ST18: variants seen among roughly 807,000 people sequenced by gnomAD.
The protein encoded by ST18 is suppression of tumorigenicity 18 protein.
Under a neutral mutation model 110.0 loss-of-function variants are expected in ST18, and 50 were observed. The ratio of observed to expected loss-of-function variants is 0.45; its 90% confidence interval spans 0.36 to 0.58. The LOEUF (loss-of-function observed/expected upper bound fraction) is 0.58. Ranked by LOEUF, ST18 falls within the 20% of genes least tolerant of loss-of-function variation. ST18 has a pLI of 0.00. For synonymous variants in ST18, 461 were observed against 452.4 expected (o/e 1.02, Z -0.24); for missense variants, 1,306 against 1,280.1 (o/e 1.02, Z -0.31).
chr8:52,373,506 G>T (rs542292145), intron 2 of ST18, among the ~76,000 whole-genome samples: 1 of 151,548 alleles, frequency 6.6e-6, no homozygotes, highest in Admixed American at 6.6e-5. Flanking sequence ...CTTGTTATTC[G>T]CCCTTTCTCA....
Position 52,295,654 on chromosome 8 carries a change from G to C in ST18, c.-464-65577C>G, listed in dbSNP as rs573159596. On this transcript the variant is annotated intron_variant, in intron 2 of 25. Coordinates refer to ENST00000689386, the MANE Select transcript of ST18 (RefSeq NM_001352837.2). ...CTTTAGTAAGGTCAAACACTGAAAA[G>C]TAAAGGGGTTTCGGGACAATTTTGA... Among the ~76,000 whole-genome samples the C allele has an allele frequency of 4.7e-5, 7 of 149,238 alleles. No homozygotes were observed. The South Asian group carries it at 1.5e-3, about 32-fold the overall frequency.
chr8:52,205,388 T>C (rs998502842), intron 8 of ST18, among the ~76,000 whole-genome samples: 3 of 151,958 alleles, frequency 2.0e-5, no homozygotes, highest in African/African-American at 4.8e-5. Flanking sequence ...AGGCCCTTGA[T>C]AGGTCATCAC....
At chr8:52,302,669 T>C (rs1260353019) in intron 2 of ST18, among the ~76,000 whole-genome samples, 1 of 152,184 alleles carries the variant, frequency 6.6e-6, no homozygotes, top group East Asian at 1.9e-4. Context: ...TGGGAATATA[T>C]CAAAAGGACA....
chr8:52,242,099 C>T (rs2093461187), intron 2 of ST18, among the ~76,000 whole-genome samples: 1 of 152,098 alleles, frequency 6.6e-6, no homozygotes, highest in African/African-American at 2.4e-5. Context: ...TTCAACATGG[C>T]ATTTTCAAAA....
At chr8:52,190,159 A>C (rs537204555) in intron 8 of ST18, among the ~76,000 whole-genome samples, 1 of 152,328 alleles carries the variant, frequency 6.6e-6, no homozygotes, top group African/African-American at 2.4e-5. Context: ...CATGCACAAA[A>C]TTTTAAAAAA....
At chr8:52,387,961 C>A (rs1837541290) in intron 2 of ST18, among the ~76,000 whole-genome samples, 1 of 151,262 alleles carries the variant, frequency 6.6e-6, no homozygotes, top group African/African-American at 2.4e-5. Context: ...TCCCCACCCC[C>A]CCGCCCCACG....
rs183313742 is a variant in ST18, at chr8:52,139,607, C to T, written c.2169-2124G>A. Among the ~76,000 whole-genome samples the T allele has an allele frequency of 3.8e-3, 572 of 152,236 alleles. 3 individuals carry two copies. The highest frequency in any genetic ancestry group is 0.013 in the African/African-American group (534 of 41,546). On this transcript the variant is annotated intron_variant, in intron 17 of 25. Transcript: ENST00000689386. ...CTGACCTCAGGTGATCTGCCTGCTTCGGCCTCCCAAAGTGCTGGGATTACA... is the reference window on the plus strand; with the variant it reads ...CTGACCTCAGGTGATCTGCCTGCTTTGGCCTCCCAAAGTGCTGGGATTACA...
At chr8:52,303,186 G>C (rs961554154) in intron 2 of ST18, among the ~76,000 whole-genome samples, 11 of 152,132 alleles carry the variant, frequency 7.2e-5, no homozygotes, top group African/African-American at 2.7e-4. Flanking sequence ...TGAAGTCAAG[G>C]TGTCAGCAGG....
intron 12 of ST18, 129 bp from the exon 13 acceptor site, chr8:52,164,219 G>A (rs551494882): frequency 5.0e-5 from 37 of 742,312 alleles, no homozygotes; most frequent in Admixed American, 2.7e-4. Flanking sequence ...TTAGCACCAC[G>A]CACACACTGA....
intron 2 of ST18, among the ~76,000 whole-genome samples, chr8:52,302,698 G>A (rs1369154538): frequency 6.6e-6 from 1 of 152,192 alleles, no homozygotes; most frequent in Admixed American, 6.5e-5. Context: ...GCTTGACAGA[G>A]TTCTCCTGTT....
chr8:52,339,930 C>G (rs1814088797), intron 2 of ST18, among the ~76,000 whole-genome samples: 1 of 152,216 alleles, frequency 6.6e-6, no homozygotes, highest in Admixed American at 6.5e-5. Flanking sequence ...AATAATTTGC[C>G]AAATAATGTT....
intron 4 of ST18, among the ~76,000 whole-genome samples, chr8:52,221,072 C>A (rs920954898): frequency 1.4e-5 from 2 of 145,062 alleles, no homozygotes; most frequent in Non-Finnish European, 3.0e-5. Flanking sequence ...GTCTTTATTA[C>A]CAAACTACCT....
At chr8:52,396,571 TG>T (rs1321718038) in intron 2 of ST18, among the ~76,000 whole-genome samples, 1 of 152,166 alleles carries the variant, frequency 6.6e-6, no homozygotes, top group Non-Finnish European at 1.5e-5. Flanking sequence ...TCCACATGGC[TG>T]GGGGAGGCCT....
At chr8:52,238,970 A>G (rs976171858) in intron 2 of ST18, among the ~76,000 whole-genome samples, 2 of 152,106 alleles carry the variant, frequency 1.3e-5, no homozygotes, top group African/African-American at 4.8e-5. Context: ...CAATATATCC[A>G]TGTAACAAAA....
intron 2 of ST18, among the ~76,000 whole-genome samples, chr8:52,298,738 A>G (rs1324560915): frequency 6.6e-6 from 1 of 152,212 alleles, no homozygotes; most frequent in Non-Finnish European, 1.5e-5. Context: ...TTTGCATTTC[A>G]TACTTTCCAT....
intron 2 of ST18, among the ~76,000 whole-genome samples, chr8:52,285,362 C>G (rs2095452293): frequency 6.6e-6 from 1 of 152,166 alleles, no homozygotes. Context: ...ACTTCTTGTT[C>G]CATATATCCA....
At chr8:52,178,645 C>CAAAAAAAAAAAAAAAAAAAAAAAAAAAAA (rs1563897561) in intron 9 of ST18, among the ~76,000 whole-genome samples, 3 of 30,110 alleles carry the variant, frequency 1.0e-4, no homozygotes, top group South Asian at 1.2e-3. Context: ...AAAAAAAAAC[C>CAAAAAAAAAAAAAAAAAAAAAAAAAAAAA]ACCAAAAACC....
chr8:52,203,339 C>A (rs1483675377), intron 8 of ST18, among the ~76,000 whole-genome samples: 1 of 152,130 alleles, frequency 6.6e-6, no homozygotes, highest in African/African-American at 2.4e-5. Flanking sequence ...TGCTATTAAC[C>A]CAGTGTTCTT....
intron 16 of ST18, among the ~76,000 whole-genome samples, chr8:52,145,264 G>C (rs2056862498): frequency 6.6e-6 from 1 of 151,914 alleles, no homozygotes; most frequent in Non-Finnish European, 1.5e-5. Flanking sequence ...GAAAGTTTAA[G>C]TTATTTTACT....
Sources: allele counts gnomAD v4.1 joint callset (sites outside exome capture counted in the v4.1 genomes callset), GRCh38; gene constraint gnomAD v4.1.1; transcripts MANE v1.5; gene names NCBI Gene and HGNC (gene_info 2026-07-23, HGNC 2026-07-21).